FBXW9: variants seen among roughly 807,000 people sequenced by gnomAD.
The protein encoded by FBXW9 is F-box/WD repeat-containing protein 9.
A neutral mutation model predicts 55.8 loss-of-function variants in FBXW9; 38 were observed. That is an observed-to-expected ratio of 0.68 (90% CI 0.53 to 0.89). FBXW9 has a LOEUF of 0.89. Among genes scored for constraint, FBXW9 ranks in the 40% least tolerant of loss-of-function variants. FBXW9 has a pLI of 0.00. For synonymous variants in FBXW9, 289 were observed against 278.2 expected (o/e 1.04, Z -0.38); for missense variants, 590 against 619.4 (o/e 0.95, Z 0.50).
chr19:12,691,188 C>G lies in FBXW9; in HGVS notation c.861G>C (p.Lys287Asn), dbSNP rs1488547922. Residue 287 changes from lysine to asparagine, a missense_variant, in exon 5 of 10, where the codon AAG becomes AAC. Lys to Asn is a moderately conservative substitution (Grantham distance 94, BLOSUM62 0). Transcript: ENST00000393261. ...CACCTCTGGGGTCGTAGATGGTCAC[C>G]TTCTTGTCATAGGTGCCAGTCACCA... ...DILVTGTYDK[K>N]VTIYDPRAGP... 6.2e-7 allele frequency: 1 copy of G among 1,614,184 alleles called. No homozygotes were observed. Among genetic ancestry groups the G allele is most frequent in the Non-Finnish European group, 8.5e-7 (1 of 1,180,038 alleles).
rs1490825357 is a variant in FBXW9 at position 12,694,763 on chromosome 19, C to G, written c.549+36G>C. 3 of 1,613,664 alleles carry G rather than the reference C, an allele frequency of 1.9e-6. No individual in the cohort carries two copies. In the South Asian group the frequency reaches 3.3e-5, roughly 18 times the overall value. On this transcript the variant is annotated intron_variant, in intron 2 of 9. Transcript: ENST00000393261. The stretch of plus-strand genomic sequence containing the variant: ...GGTGATGTTGTCAGGGCCACCCTGG[C>G]CCACCCTGCCTGGCCCCCCACAGAC...
rs201902250 is a variant in FBXW9 at position 12,689,800 on chromosome 19, G to A, written c.1107C>T (p.His369=). 86 of 1,614,148 alleles carry A rather than the reference G, an allele frequency of 5.3e-5. No homozygotes were observed. Among genetic ancestry groups the A allele is most frequent in the Non-Finnish European group, 6.9e-5 (81 of 1,180,014 alleles). The change falls in exon 7 of 10, where the codon CAC becomes CAT. Residue 369 remains histidine (H), a synonymous_variant. Transcript: ENST00000393261. This position sits in a 1 kb window ranked among gnomAD's most constrained non-coding sequence, Gnocchi z 5.9. ...LWAGDNQGLL[H]VFANRNGCFQ... is the part of the protein sequence containing the mutation. ...AGCAGCCGTTGCGGTTGGCGAAGAC[G>A]TGCAGCAGGCCCTGGTTGTCACCAG...
At chr19:12,694,467 C>A in intron 3 of FBXW9, 127 bp downstream of exon 3, 1 of 1,006,188 alleles carries the variant, frequency 9.9e-7, no homozygotes. Context: ...TCACACATCT[C>A]ACTCAAAGTC....
intron 1 of FBXW9, among the ~76,000 whole-genome samples, chr19:12,695,462 C>G (rs1599397629): frequency 6.6e-6 from 1 of 152,126 alleles, no homozygotes; most frequent in Non-Finnish European, 1.5e-5. Context: ...AGAGTCTGAC[C>G]TGGGGGTTGG....
rs1195797078 is a variant in FBXW9, at chr19:12,689,597, C to T, written c.1180G>A (p.Gly394Arg). The change falls in exon 8 of 10, where the codon GGG becomes AGG. Residue 394 changes from glycine (G) to arginine (R), a missense_variant. Gly to Arg is a moderately radical substitution (Grantham distance 125). Coordinates refer to ENST00000393261, the MANE Select transcript of FBXW9 (RefSeq NM_032301.3). This position sits in a 1 kb window ranked among gnomAD's most constrained non-coding sequence, Gnocchi z 5.9. ...AAGGCTCCCACGGAGTACTGGATCC[C>T]AGTGATGGGAAAGCTGTGGCCCACA... ...FDVGHSFPIT[G>R]IQYSVGALYT... is the part of the protein sequence containing the mutation. The T allele has an allele frequency of 6.2e-7, 1 of 1,614,062 alleles. No individual in the cohort carries two copies. Among genetic ancestry groups the T allele is most frequent in the Admixed American group, 1.7e-5 (1 of 59,996 alleles).
rs1395349280 is a variant in FBXW9 at position 12,689,516 on chromosome 19, G to C, written c.1236+25C>G. ...AGGGGAGAGGCAGGGACTGTCCTGG[G>C]GTGGGGGCTGGGCAGGAGCCTCACC... On this transcript the variant is annotated intron_variant, in intron 8 of 9. Transcript: ENST00000393261. This position sits in a 1 kb window ranked among gnomAD's most constrained non-coding sequence, Gnocchi z 5.9. The C allele has an allele frequency of 6.2e-7, 1 of 1,613,706 alleles. No homozygotes were observed.
Position 12,694,650 on chromosome 19 carries a change from C to G in FBXW9, c.622G>C (p.Glu208Gln), listed in dbSNP as rs781372876. The part of the protein sequence containing the change: ...NLWDLRQLGT[E>Q]SNQVLIKTLG... ...GTCTTGATCAGAACCTGGTTGGACT[C>G]CGTCCCCAGCTGCCGCAGGTCCCAC... Residue 208 changes from glutamate (E) to glutamine (Q), a missense_variant, in exon 3 of 10, where the codon GAG (glutamate) becomes CAG (glutamine). Glu to Gln is a conservative substitution (Grantham distance 29). Transcript: ENST00000393261. 2.5e-5 allele frequency: 40 copies of G among 1,614,080 alleles called. 1 individual carries two copies. Among genetic ancestry groups the G allele is most frequent in the Non-Finnish European group, 3.2e-5 (38 of 1,180,054 alleles).
Position 12,691,107 on chromosome 19 carries a change from C to T in FBXW9, c.883+59G>A, listed in dbSNP as rs898394514. 9.2e-6 allele frequency: 13 copies of T among 1,411,578 alleles called. No individual in the cohort carries two copies. The South Asian group carries it at 1.0e-4, about 11-fold the overall frequency. 87.4% of individuals were successfully genotyped at this position (1,411,578 alleles called of 1,614,324 possible). On this transcript the variant is annotated intron_variant, in intron 5 of 9. Transcript: ENST00000393261. The stretch of plus-strand genomic sequence containing the variant: ...TGACCCCAGCCAGGCTGTGAAGCCC[C>T]AGTGTCTCCTTCCCTAACATGACAT...
Position 12,688,951 on chromosome 19 carries a change from G to A in FBXW9, c.*265C>T, listed in dbSNP as rs530554252. Reference sequence around the variant, plus strand: ...AACATGTCAGGTTTATTTCTCCTTCGCTCTCAACTGAGAGCGGGGCATCCA... The same window carrying A: ...AACATGTCAGGTTTATTTCTCCTTCACTCTCAACTGAGAGCGGGGCATCCA... On this transcript the variant is annotated 3_prime_UTR_variant, in exon 10 of 10. Transcript: ENST00000393261. 5.1e-4 allele frequency: 325 copies of A among 643,216 alleles called. 2 individuals are homozygous for A. Among genetic ancestry groups the A allele is most frequent in the South Asian group, 8.1e-4 (52 of 64,508 alleles). 39.8% of individuals were successfully genotyped at this position (643,216 alleles called of 1,614,324 possible).
chr19:12,692,406 A>T (rs1163443841), intron 3 of FBXW9, among the ~76,000 whole-genome samples: 1 of 150,712 alleles, frequency 6.6e-6, no homozygotes. Context: ...TTGTATTTTT[A>T]GTAGAGCCGG....
chr19:12,689,794 G>A lies in FBXW9; in HGVS notation c.1113C>T (p.Phe371=), dbSNP rs755298407. Residue 371 remains phenylalanine (F), a synonymous_variant, in exon 7 of 10, where the codon TTC becomes TTT. Transcript: ENST00000393261. This position sits in a 1 kb window ranked among gnomAD's most constrained non-coding sequence, Gnocchi z 5.9. ...AGDNQGLLHV[F]ANRNGCFQLI... ...GCTGGAAGCAGCCGTTGCGGTTGGC[G>A]AAGACGTGCAGCAGGCCCTGGTTGT... 1.2e-5 allele frequency: 19 copies of A among 1,614,146 alleles called. No homozygotes were observed. The highest frequency in any genetic ancestry group is 2.2e-5 in the South Asian group (2 of 91,088).
intron 5 of FBXW9, among the ~76,000 whole-genome samples, chr19:12,690,747 T>C (rs1431246108): frequency 2.0e-5 from 3 of 152,138 alleles, no homozygotes; most frequent in Admixed American, 1.3e-4. Flanking sequence ...GGTGAAACCT[T>C]GTCTCTACTG....
chr19:12,689,114 G>T lies in FBXW9; in HGVS notation c.*102C>A. 1.0e-6 allele frequency: 1 copy of T among 962,570 alleles called. No homozygotes were observed. The highest frequency in any genetic ancestry group is 1.7e-6 in the Non-Finnish European group (1 of 597,882). 59.6% of individuals were successfully genotyped at this position (962,570 alleles called of 1,614,324 possible). ...GTGGCTGGGACTCCTTGTGCCCTAGGCCCACGGGGCGGAGGCAGCACCAAC... is the reference window on the plus strand; with the variant it reads ...GTGGCTGGGACTCCTTGTGCCCTAGTCCCACGGGGCGGAGGCAGCACCAAC... On this transcript the variant is annotated 3_prime_UTR_variant, in exon 10 of 10. Transcript: ENST00000393261. This position sits in a 1 kb window ranked among gnomAD's most constrained non-coding sequence, Gnocchi z 5.9.
At chr19:12,693,096 C>T (rs927567518) in intron 3 of FBXW9, among the ~76,000 whole-genome samples, 3 of 152,050 alleles carry the variant, frequency 2.0e-5, no homozygotes, top group Admixed American at 6.6e-5. Flanking sequence ...GGAAACTGGG[C>T]CCCAGAGAGG....
intron 1 of FBXW9, among the ~76,000 whole-genome samples, chr19:12,695,718 G>C (rs1394800704): frequency 6.6e-6 from 1 of 152,128 alleles, no homozygotes; most frequent in Non-Finnish European, 1.5e-5. Context: ...AAGGCTCTAG[G>C]GCTCAGGAGT....
chr19:12,689,679 C>A lies in FBXW9; in HGVS notation c.1147-49G>T, dbSNP rs762781415. The A allele has an allele frequency of 1.2e-6, 2 of 1,608,272 alleles. No homozygotes were observed. Among genetic ancestry groups the A allele is most frequent in the Admixed American group, 3.3e-5 (2 of 59,956 alleles). ...ACTCAGTCGAGGCTCTCCCAAGGCC[C>A]GCCCTCCCCCACACCACCAGGGGCT... On this transcript the variant is annotated intron_variant, in intron 7 of 9. Transcript: ENST00000393261. This position sits in a 1 kb window ranked among gnomAD's most constrained non-coding sequence, Gnocchi z 5.9.
intron 3 of FBXW9, among the ~76,000 whole-genome samples, chr19:12,693,908 A>G (rs188762477): frequency 2.0e-5 from 3 of 150,868 alleles, no homozygotes; most frequent in Admixed American, 2.0e-4. Context: ...ATATAAATAA[A>G]TAAAGGCCAG....
chr19:12,694,758 C>T lies in FBXW9; in HGVS notation c.550-36G>A, dbSNP rs1318219942. The T allele has an allele frequency of 2.5e-6, 4 of 1,613,716 alleles. No individual in the cohort carries two copies. In the East Asian group the frequency reaches 8.9e-5, roughly 36 times the overall value. On this transcript the variant is annotated intron_variant, in intron 2 of 9. Transcript: ENST00000393261. ...AGCAAGGTGATGTTGTCAGGGCCAC[C>T]CTGGCCCACCCTGCCTGGCCCCCCA...
At chr19:12,691,549 C>G (rs1035550991) in intron 3 of FBXW9, 95 bp from the exon 4 acceptor site, 1 of 1,028,418 alleles carries the variant, frequency 9.7e-7, no homozygotes, top group African/African-American at 1.6e-5. Flanking sequence ...TCAGAGAGGT[C>G]AAGAGACTCA....
Sources: allele counts gnomAD v4.1 joint callset (sites outside exome capture counted in the v4.1 genomes callset), GRCh38; gene constraint gnomAD v4.1.1; non-coding constraint Gnocchi (gnomAD v3.1); transcripts MANE v1.5; gene names NCBI Gene and HGNC (gene_info 2026-07-23, HGNC 2026-07-21).